Variants in UNC13C observed in about 807,000 individuals in gnomAD.
UNC13C encodes unc-13 homolog C.
Under a neutral mutation model 245.4 loss-of-function variants are expected in UNC13C, and 174 were observed. That is an observed-to-expected ratio of 0.71 (90% confidence interval 0.63 to 0.80). The LOEUF is 0.80. Among genes scored for constraint, UNC13C ranks in the 30% least tolerant of loss-of-function variants. The pLI, the probability that UNC13C is intolerant of heterozygous loss-of-function variation, is 0.00. For synonymous variants in UNC13C, 992 were observed against 895.1 expected (o/e 1.11, Z -1.93); for missense variants, 2,829 against 2,602.9 (o/e 1.09, Z -1.89).
At chr15:54,009,783 G>A (rs894890582) in intron 1 of UNC13C, among the ~76,000 whole-genome samples, 13 of 152,094 alleles carry the variant, frequency 8.5e-5, no homozygotes, top group African/African-American at 3.1e-4. Flanking sequence ...CTGACCTCAT[G>A]ATCTGCTGCC....
chr15:54,387,205 C>T (rs959476568), intron 17 of UNC13C, among the ~76,000 whole-genome samples: 3 of 152,114 alleles, frequency 2.0e-5, no homozygotes, highest in African/African-American at 7.2e-5. Context: ...ATGCCTGCTC[C>T]GTGACAAAGC....
Position 54,013,589 on chromosome 15 carries a change from G to A in UNC13C, c.686G>A (p.Gly229Glu). 2 of 1,613,598 alleles carry A rather than the reference G, an allele frequency of 1.2e-6. No homozygotes were observed. Among genetic ancestry groups the A allele is most frequent in the South Asian group, 2.2e-5 (2 of 91,048 alleles). Residue 229 changes from glycine to glutamate, a missense_variant, in exon 2 of 33, where the codon GGG becomes GAG. Physicochemically the swap from Gly to Glu is moderately conservative, Grantham distance 98. Coordinates refer to ENST00000260323, the MANE Select transcript of UNC13C (RefSeq NM_001080534.3). ...CCAAAGACAAATGCCCTGGAGCCAG[G>A]GTTCAGTTCCTCTGGCTGCATTAGC... ...RNPKTNALEPGFSSSGCISQT... is the reference protein window; with the variant it reads ...RNPKTNALEPEFSSSGCISQT...
In UNC13C at chr15:54,494,624, G is replaced by A. The variant is rs1332402860; in HGVS notation, c.4950G>A (p.Arg1650=). ...CTGTTATAGAACATGAAAATCAGCG[G>A]TTATGCAAGAGCACCGATTATATGA... is the stretch of plus-strand genomic sequence containing the variant. The part of the protein sequence containing the change: ...KYALEEHENQ[R]LCKSTDYMNL... The change falls in exon 20 of 33, where the codon CGG becomes CGA. Residue 1650 remains arginine (R), a synonymous_variant. Transcript: ENST00000260323. 9.3e-6 allele frequency: 15 copies of A among 1,607,784 alleles called. No homozygotes were observed. Among genetic ancestry groups the A allele is most frequent in the Non-Finnish European group, 1.2e-5 (14 of 1,177,340 alleles).
chr15:54,499,733 C>G (rs1257820505), intron 20 of UNC13C, among the ~76,000 whole-genome samples: 1 of 152,018 alleles, frequency 6.6e-6, no homozygotes, highest in African/African-American at 2.4e-5. Flanking sequence ...AGCTATATGG[C>G]AAAGAATTTA....
intron 4 of UNC13C, among the ~76,000 whole-genome samples, chr15:54,162,634 C>G (rs1251814691): frequency 6.6e-6 from 1 of 152,180 alleles, no homozygotes; most frequent in African/African-American, 2.4e-5. Flanking sequence ...AGGAAATAGA[C>G]AGTTCCTTGG....
intron 10 of UNC13C, among the ~76,000 whole-genome samples, chr15:54,279,469 T>G (rs1207173922): frequency 6.6e-6 from 1 of 152,206 alleles, no homozygotes; most frequent in African/African-American, 2.4e-5. Flanking sequence ...GTGTTTACTT[T>G]TGTGATTGCC....
At chr15:54,004,961 C>T (rs1895071928) in intron 1 of UNC13C, among the ~76,000 whole-genome samples, 1 of 152,074 alleles carries the variant, frequency 6.6e-6, no homozygotes, top group African/African-American at 2.4e-5. Flanking sequence ...TCTGGGTTGT[C>T]TCTTCACTTT....
chr15:54,204,813 A>G lies in UNC13C; in HGVS notation c.3072-30217A>G, dbSNP rs1476831872. Among the ~76,000 whole-genome samples the G allele has an allele frequency of 3.3e-5, 5 of 152,102 alleles. 1 individual carries two copies. In the East Asian group the frequency reaches 9.7e-4, roughly 29 times the overall value. On this transcript the variant is annotated intron_variant, in intron 4 of 32. Coordinates refer to ENST00000260323, the MANE Select transcript of UNC13C (RefSeq NM_001080534.3). ...ACTTTGGAGGAGAGGGAAAAAGAGA[A>G]TATTTGGGAAAGTCGACAGTATTGG...
At chr15:53,859,252 T>C in the UNC13C span, among the ~76,000 whole-genome samples, 2,248 of 152,278 alleles carry the variant, frequency 0.015, 56 homozygotes, top group African/African-American at 0.051. Context: ...AGAAATAATT[T>C]GTATAATTAT....
rs143448236 is a variant in UNC13C at position 54,283,159 on chromosome 15, A to G, written c.3819-10736A>G. On this transcript the variant is annotated intron_variant, in intron 10 of 32. Coordinates refer to ENST00000260323, the MANE Select transcript of UNC13C (RefSeq NM_001080534.3). ...CTTGCAACTAGGCTTTCAGGCTTTA[A>G]ACTGTATTCAGCTTTGAGGAGGGGT... Among the ~76,000 whole-genome samples the G allele has an allele frequency of 3.6e-3, 550 of 152,236 alleles. 5 individuals carry two copies. Among genetic ancestry groups the G allele is most frequent in the African/African-American group, 0.013 (531 of 41,540 alleles).
At chr15:53,854,159 C>T in the UNC13C span, among the ~76,000 whole-genome samples, 1 of 126,714 alleles carries the variant, frequency 7.9e-6, no homozygotes, top group South Asian at 2.5e-4. Flanking sequence ...TTCACTCTGC[C>T]ACCCAGGCTG....
At chr15:54,390,095 G>A (rs894008852) in intron 17 of UNC13C, among the ~76,000 whole-genome samples, 19 of 152,090 alleles carry the variant, frequency 1.2e-4, no homozygotes, top group Admixed American at 2.6e-4. Flanking sequence ...TAGAAGCAGC[G>A]TTTCACAATT....
intron 4 of UNC13C, among the ~76,000 whole-genome samples, chr15:54,182,971 A>G (rs2033850480): frequency 6.6e-6 from 1 of 152,086 alleles, no homozygotes; most frequent in Non-Finnish European, 1.5e-5. Flanking sequence ...TCAGGAAGCT[A>G]AAGTACTAAT....
rs137903947 is a variant in UNC13C, at chr15:54,309,090, C to G, written c.4268+8717C>G. Among the ~76,000 whole-genome samples, 81 of 151,864 alleles carry G rather than the reference C, an allele frequency of 5.3e-4. No homozygotes were observed. In the East Asian group the frequency reaches 0.01, roughly 19 times the overall value. On this transcript the variant is annotated intron_variant, in intron 13 of 32. Coordinates refer to ENST00000260323, the MANE Select transcript of UNC13C (RefSeq NM_001080534.3). ...TTTGAGGAAGCTTCTTACTGTTTGT[C>G]ATAATTGCTGTAATAATTTACATTA...
chr15:54,056,943 A>G (rs912339574), intron 2 of UNC13C, among the ~76,000 whole-genome samples: 1 of 152,204 alleles, frequency 6.6e-6, no homozygotes, highest in African/African-American at 2.4e-5. Context: ...CCTGCCCTAC[A>G]AGAGCTCCTG....
the UNC13C span, among the ~76,000 whole-genome samples, chr15:53,918,500 C>T: frequency 6.6e-6 from 1 of 152,232 alleles, no homozygotes; most frequent in South Asian, 2.1e-4. Flanking sequence ...CCCTCAGACG[C>T]AGCATCAGTC....
chr15:54,056,669 A>G (rs1160486728), intron 2 of UNC13C, among the ~76,000 whole-genome samples: 1 of 152,150 alleles, frequency 6.6e-6, no homozygotes, highest in Non-Finnish European at 1.5e-5. Context: ...CAGATTCACC[A>G]AAGTTGAAAT....
At chr15:54,496,959 A>G (rs1169650295) in intron 20 of UNC13C, among the ~76,000 whole-genome samples, 1 of 152,032 alleles carries the variant, frequency 6.6e-6, no homozygotes, top group Non-Finnish European at 1.5e-5. Flanking sequence ...TCCCCTCAAA[A>G]CCTATTGAAA....
In UNC13C at chr15:54,042,681, G is replaced by A. The variant is rs1383642452; in HGVS notation, c.2983+26795G>A. 4.6e-5 allele frequency among the ~76,000 whole-genome samples: 7 copies of A among 152,096 alleles called. No homozygotes were observed. In the South Asian group the frequency reaches 6.2e-4, roughly 14 times the overall value. On this transcript the variant is annotated intron_variant, in intron 2 of 32. Transcript: ENST00000260323. ...ATCCTGGCTAACAGGGTGAAACCCC[G>A]TCTCTACTAAAAATGCAAGAAATTA...
Sources: allele counts gnomAD v4.1 joint callset (sites outside exome capture counted in the v4.1 genomes callset), GRCh38; gene constraint gnomAD v4.1.1; transcripts MANE v1.5; gene names NCBI Gene and HGNC (gene_info 2026-07-23, HGNC 2026-07-21).